Variants in FDFT1 observed in about 807,000 individuals in gnomAD.
FDFT1 encodes the protein farnesyl-diphosphate farnesyltransferase 1, also known as squalene synthase.
Under a neutral mutation model 46.8 loss-of-function variants are expected in FDFT1, and 68 were observed. The ratio of observed to expected loss-of-function variants is 1.45; its 90% CI spans 1.19 to 1.78. The LOEUF (loss-of-function observed/expected upper bound fraction) is 1.78. Among genes scored for constraint, FDFT1 ranks in the 40% most tolerant of loss-of-function variants. The pLI, the probability that FDFT1 is intolerant of heterozygous loss-of-function variation, is 0.00. For missense variants in FDFT1, 928 were observed against 524.4 expected, an observed-to-expected ratio of 1.77 and a Z score of -7.52; for synonymous variants, 351 against 185.1, an observed-to-expected ratio of 1.90 and a Z score of -7.28.
intron 4 of FDFT1, among the ~76,000 whole-genome samples, chr8:11,824,802 C>A (rs1042319942): frequency 1.3e-5 from 2 of 152,084 alleles, no homozygotes; most frequent in South Asian, 4.1e-4. Context: ...GTGGCGCGAT[C>A]TCGGCTCCCT....
At chr8:11,836,845 G>A (rs1431109925) in intron 7 of FDFT1, among the ~76,000 whole-genome samples, 2 of 152,240 alleles carry the variant, frequency 1.3e-5, no homozygotes, top group Non-Finnish European at 2.9e-5. Flanking sequence ...AGACCAGCCT[G>A]ACCAACACTG....
intron 3 of FDFT1, among the ~76,000 whole-genome samples, chr8:11,811,089 G>A (rs551572331): frequency 1.3e-5 from 2 of 152,168 alleles, no homozygotes; most frequent in African/African-American, 2.4e-5. Context: ...AATAATTCGA[G>A]TTTATACAGT....
chr8:11,828,721 T>G (rs1191957990), intron 5 of FDFT1, among the ~76,000 whole-genome samples: 1 of 152,252 alleles, frequency 6.6e-6, no homozygotes, highest in Non-Finnish European at 1.5e-5. Flanking sequence ...CATAGAGTGC[T>G]TAGTAAAGGT....
At chr8:11,830,490 G>T in intron 6 of FDFT1, 70 bp downstream of exon 6, 1 of 1,120,508 alleles carries the variant, frequency 8.9e-7, no homozygotes, top group South Asian at 1.3e-5. Flanking sequence ...GGTGGATTTT[G>T]CTGTGCTATA....
At chr8:11,803,696 T>C (rs996280194) in intron 1 of FDFT1, 2 of 280,670 alleles carry the variant, frequency 7.1e-6, no homozygotes, top group South Asian at 7.5e-5. Context: ...TTTCTGTAAC[T>C]TTTTTGGGCC....
At chr8:11,824,422 A>C (rs1182712743) in intron 4 of FDFT1, among the ~76,000 whole-genome samples, 1 of 152,170 alleles carries the variant, frequency 6.6e-6, no homozygotes, top group Non-Finnish European at 1.5e-5. Flanking sequence ...GAAAAGGGGA[A>C]GTTTTAGCAA....
rs185927084 is a variant in FDFT1, at chr8:11,806,347, G to A, written c.100-2447G>A. Among the ~76,000 whole-genome samples, 501 of 152,254 alleles carry A rather than the reference G, an allele frequency of 3.3e-3. 1 individual carries two copies. The highest frequency in any genetic ancestry group is 4.8e-3 in the Non-Finnish European group (326 of 68,034). ...GAATCAAGCAGTAGAAATTTTTAGT[G>A]AGTGTTGTTTTCCATAGTATGCTTA... On this transcript the variant is annotated intron_variant, in intron 1 of 7. Transcript: ENST00000220584.
chr8:11,815,357 C>T lies in FDFT1; in HGVS notation c.381+5507C>T, dbSNP rs375864394. 4.9e-4 allele frequency among the ~76,000 whole-genome samples: 75 copies of T among 151,956 alleles called. 1 individual carries two copies. The highest frequency in any genetic ancestry group is 1.4e-3 in the African/African-American group (56 of 41,372). On this transcript the variant is annotated intron_variant, in intron 3 of 7. Transcript: ENST00000220584. ...ATGTGCTTGTGTCTTCATAGTTGGACGAGTTATAATCCTTTGGGTATATGC... is the reference window on the plus strand; with the variant it reads ...ATGTGCTTGTGTCTTCATAGTTGGATGAGTTATAATCCTTTGGGTATATGC...
chr8:11,812,573 T>C (rs148410491), intron 3 of FDFT1, among the ~76,000 whole-genome samples: 2 of 152,320 alleles, frequency 1.3e-5, no homozygotes, highest in Non-Finnish European at 2.9e-5. Flanking sequence ...CAAACCTGAA[T>C]CAACCAGGTT....
chr8:11,825,185 GT>G (rs1338405181), intron 4 of FDFT1, among the ~76,000 whole-genome samples: 2 of 152,160 alleles, frequency 1.3e-5, no homozygotes, highest in Non-Finnish European at 2.9e-5. Context: ...CCTAGTTCCT[GT>G]TACCAGAATA....
chr8:11,803,076 G>T (rs1043352877), intron 1 of FDFT1, 145 bp downstream of exon 1: 2 of 1,447,572 alleles, frequency 1.4e-6, no homozygotes, highest in Admixed American at 2.7e-5. Context: ...CTTTCCTCGA[G>T]CCTTCCCCCT....
At position 11,830,417 on chromosome 8, in the gene FDFT1, A is replaced by G; in HGVS notation, c.876A>G (p.Pro292=). ...GTGTGTTTAACTTCTGTGCTATTCC[A>G]CAGGTAGGGAAGGGGGCTCCTCTGG... ...NQSVFNFCAI[P]QVMAIATLAA... is the part of the protein sequence containing the mutation. The change falls in exon 6 of 8, where the codon CCA becomes CCG. Residue 292 remains proline, a synonymous_variant. Coordinates refer to ENST00000220584, the MANE Select transcript of FDFT1 (RefSeq NM_004462.5). 1 of 1,612,062 alleles carries G rather than the reference A, an allele frequency of 6.2e-7. No individual in the cohort carries two copies. The highest frequency in any genetic ancestry group is 8.5e-7 in the Non-Finnish European group (1 of 1,178,636).
chr8:11,799,395 G>A (rs1375534755), upstream of FDFT1, among the ~76,000 whole-genome samples: 2 of 152,236 alleles, frequency 1.3e-5, no homozygotes, highest in Non-Finnish European at 2.9e-5. Context: ...AGAAAAAGAA[G>A]AGCCCTGTGG....
At chr8:11,835,452 T>G (rs972420768) in intron 7 of FDFT1, among the ~76,000 whole-genome samples, 1 of 152,176 alleles carries the variant, frequency 6.6e-6, no homozygotes, top group African/African-American at 2.4e-5. Flanking sequence ...CTCAAAAGTT[T>G]TGCCACTAAT....
At chr8:11,809,983 A>G in intron 3 of FDFT1, 133 bp downstream of exon 3, 1 of 651,956 alleles carries the variant, frequency 1.5e-6, no homozygotes, top group Non-Finnish European at 2.5e-6. Flanking sequence ...AGGGTTAAAA[A>G]CTCCGGTAGC....
intron 2 of FDFT1, 44 bp from the exon 3 acceptor site, chr8:11,809,623 T>G: frequency 6.6e-7 from 1 of 1,520,838 alleles, no homozygotes; most frequent in Non-Finnish European, 8.9e-7. Context: ...AAAAAATCTT[T>G]GGCTGTTTGT....
Position 11,802,798 on chromosome 8 carries a change from AGAGTCGCGCCCGG to A in FDFT1, c.-29_-17del. 6.5e-7 allele frequency: 1 copy of A among 1,542,304 alleles called. No homozygotes were observed. Among genetic ancestry groups the A allele is most frequent in the Non-Finnish European group, 8.9e-7 (1 of 1,125,350 alleles). ...TGAGCGCCTGGGGACCGCAGAGGTGAGAGTCGCGCCCGGGAGTCCGCCGCCTGCGCCAGGATGG... is the reference window on the plus strand; with the variant it reads ...TGAGCGCCTGGGGACCGCAGAGGTGAGAGTCCGCCGCCTGCGCCAGGATGG... On this transcript the variant is annotated 5_prime_UTR_variant, in exon 1 of 8. Transcript: ENST00000220584.
At chr8:11,817,292 C>T (rs763083786) in intron 3 of FDFT1, among the ~76,000 whole-genome samples, 13 of 152,098 alleles carry the variant, frequency 8.5e-5, no homozygotes, top group African/African-American at 1.4e-4. Flanking sequence ...AGAGGATTTT[C>T]GCATCAACGT....
In FDFT1 at chr8:11,826,034, A is replaced by C. The variant is rs139230476; in HGVS notation, c.521A>C (p.Tyr174Ser). Residue 174 changes from tyrosine (Y) to serine (S), a missense_variant, in exon 5 of 8, where the codon TAT (tyrosine) becomes TCT (serine). Transcript: ENST00000220584. ...SEQEWDKYCH[Y>S]VAGLVGIGLS... ...AATCGTCTCTTACAGTACTGCCACT[A>C]TGTTGCTGGGCTGGTCGGAATTGGC... The C allele has an allele frequency of 1.9e-6, 3 of 1,578,808 alleles. No homozygotes were observed. Among genetic ancestry groups the C allele is most frequent in the African/African-American group, 2.7e-5 (2 of 74,220 alleles).
Sources: allele counts gnomAD v4.1 joint callset (sites outside exome capture counted in the v4.1 genomes callset), GRCh38; gene constraint gnomAD v4.1.1; transcripts MANE v1.5; gene names NCBI Gene and HGNC (gene_info 2026-07-23, HGNC 2026-07-21).